Variants in CATSPERE observed in about 807,000 individuals in gnomAD.
The protein encoded by CATSPERE is cation channel sperm-associated auxiliary subunit epsilon.
A neutral mutation model predicts 114.1 loss-of-function variants in CATSPERE; 93 were observed. The ratio of observed to expected loss-of-function variants is 0.81; its 90% CI spans 0.69 to 0.97. The LOEUF is 0.97. Among genes scored for constraint, CATSPERE ranks in the 50% least tolerant of loss-of-function variants. The probability of loss-of-function intolerance (pLI) is 0.00; values close to 1 mark genes in which losing one functional copy is unlikely to be tolerated. For synonymous variants in CATSPERE, 341 were observed against 384.1 expected (o/e 0.89, Z 1.31); for missense variants, 1,058 against 1,131.6 (o/e 0.93, Z 0.93).
intron 5 of CATSPERE, among the ~76,000 whole-genome samples, chr1:244,481,220 G>A (rs1670216284): frequency 6.6e-6 from 1 of 152,172 alleles, no homozygotes; most frequent in Non-Finnish European, 1.5e-5. Flanking sequence ...GGAGGCCAGG[G>A]CAGGTGGACC....
chr1:244,488,519 G>T (rs566119364), intron 5 of CATSPERE, among the ~76,000 whole-genome samples: 1 of 152,226 alleles, frequency 6.6e-6, no homozygotes, highest in South Asian at 2.1e-4. Context: ...AGACCCAGAA[G>T]AATGCTGCTA....
intron 20 of CATSPERE, among the ~76,000 whole-genome samples, chr1:244,618,202 A>T (rs1381392751): frequency 6.6e-6 from 1 of 152,196 alleles, no homozygotes; most frequent in Non-Finnish European, 1.5e-5. Context: ...ACAGAGACAG[A>T]CGCTTCCAGT....
intron 11 of CATSPERE, among the ~76,000 whole-genome samples, chr1:244,574,731 A>G (rs2148585570): frequency 6.6e-6 from 1 of 152,322 alleles, no homozygotes; most frequent in African/African-American, 2.4e-5. Context: ...GGGATGAATA[A>G]GGGCGGACTG....
intron 7 of CATSPERE, among the ~76,000 whole-genome samples, chr1:244,509,580 G>A (rs1285702171): frequency 3.3e-5 from 5 of 152,192 alleles, no homozygotes; most frequent in South Asian, 4.1e-4. Flanking sequence ...TCAGGGTAAC[G>A]CTTGCCTTGT....
chr1:244,548,896 C>G (rs1027368173), intron 8 of CATSPERE, among the ~76,000 whole-genome samples: 1 of 152,162 alleles, frequency 6.6e-6, no homozygotes, highest in South Asian at 2.1e-4. Flanking sequence ...TCACTATTAT[C>G]CCTAGAGACC....
chr1:244,559,513 G>A (rs1410038985), intron 9 of CATSPERE, among the ~76,000 whole-genome samples: 2 of 152,184 alleles, frequency 1.3e-5, no homozygotes, highest in African/African-American at 2.4e-5. Flanking sequence ...AGTGGGGAGA[G>A]GAGGCAGAGG....
chr1:244,562,077 G>A lies in CATSPERE; in HGVS notation c.1507+932G>A, dbSNP rs555165738. Among the ~76,000 whole-genome samples the A allele has an allele frequency of 5.3e-5, 8 of 149,896 alleles. No homozygotes were observed. The South Asian group carries it at 8.4e-4, about 16-fold the overall frequency. ...TGAGGCAGGAGGATCACTTGAGCCC[G>A]GGAGGTCAAGGCTGCAGTGAGCCAT... On this transcript the variant is annotated intron_variant, in intron 10 of 21. Coordinates refer to ENST00000366534, the MANE Select transcript of CATSPERE (RefSeq NM_001130957.2).
rs114265641 is a variant in CATSPERE at position 244,596,265 on chromosome 1, T to C, written c.2303+2687T>C. ...AGTCCCTTCCCCCCTTCTAGAAAAT[T>C]CTTGAATAGCCCTCCCCTTATTTAG... On this transcript the variant is annotated intron_variant, in intron 17 of 21. Coordinates refer to ENST00000366534, the MANE Select transcript of CATSPERE (RefSeq NM_001130957.2). Among the ~76,000 whole-genome samples, 761 of 152,296 alleles carry C rather than the reference T, an allele frequency of 5.0e-3. 9 individuals are homozygous for C. The highest frequency in any genetic ancestry group is 0.018 in the African/African-American group (741 of 41,560).
chr1:244,542,577 A>T (rs1371265122), intron 8 of CATSPERE, among the ~76,000 whole-genome samples: 1 of 152,140 alleles, frequency 6.6e-6, no homozygotes, highest in African/African-American at 2.4e-5. Context: ...AAGTGAGAAC[A>T]TGCAGTATTT....
chr1:244,516,051 G>A (rs1657875758), intron 7 of CATSPERE, among the ~76,000 whole-genome samples: 1 of 151,652 alleles, frequency 6.6e-6, no homozygotes, highest in South Asian at 2.1e-4. Flanking sequence ...AAAATTAGCT[G>A]GGCGTGGTGG....
intron 2 of CATSPERE, 50 bp downstream of exon 2, chr1:244,464,006 A>G (rs1168605071): frequency 7.6e-7 from 1 of 1,318,928 alleles, no homozygotes; most frequent in South Asian, 1.2e-5. Context: ...AATTTTTTGA[A>G]CTTTAGAGCA....
chr1:244,530,357 G>C (rs1169671873), intron 8 of CATSPERE, among the ~76,000 whole-genome samples: 1 of 152,130 alleles, frequency 6.6e-6, no homozygotes, highest in Admixed American at 6.5e-5. Flanking sequence ...TGGGTTCTCT[G>C]TTCTCTTCCA....
At chr1:244,498,934 GT>G in intron 6 of CATSPERE, 67 bp from the exon 7 acceptor site, 1 of 1,163,248 alleles carries the variant, frequency 8.6e-7, no homozygotes, top group Non-Finnish European at 1.3e-6. Flanking sequence ...TTATGGTTAT[GT>G]TTTGCCACAA....
intron 10 of CATSPERE, among the ~76,000 whole-genome samples, chr1:244,567,165 A>G (rs991370646): frequency 6.6e-6 from 1 of 152,186 alleles, no homozygotes; most frequent in African/African-American, 2.4e-5. Context: ...AGAATGTTGA[A>G]TATTGTCCCC....
chr1:244,535,153 G>C lies in CATSPERE; in HGVS notation c.536+16455G>C, dbSNP rs576768041. ...TCAGTGCTGAGCTGCCTGGAGCTGG[G>C]GGAGGGGTGACACAGCGCCCCTGTG... On this transcript the variant is annotated intron_variant, in intron 8 of 21. Coordinates refer to ENST00000366534, the MANE Select transcript of CATSPERE (RefSeq NM_001130957.2). Among the ~76,000 whole-genome samples, 4 of 152,308 alleles carry C rather than the reference G, an allele frequency of 2.6e-5. No individual in the cohort carries two copies. In the East Asian group the frequency reaches 7.7e-4, roughly 29 times the overall value.
intron 10 of CATSPERE, among the ~76,000 whole-genome samples, chr1:244,564,990 C>T (rs2148547166): frequency 6.6e-6 from 1 of 152,232 alleles, no homozygotes; most frequent in East Asian, 1.9e-4. Flanking sequence ...GCCTTTTCTG[C>T]ATCTATTGAG....
chr1:244,508,086 T>A (rs964960665), intron 7 of CATSPERE, among the ~76,000 whole-genome samples: 1 of 152,170 alleles, frequency 6.6e-6, no homozygotes, highest in Non-Finnish European at 1.5e-5. Context: ...CAATATTAAT[T>A]GGTCTGATAC....
chr1:244,547,430 C>T, intron 8 of CATSPERE, among the ~76,000 whole-genome samples: 1 of 152,076 alleles, frequency 6.6e-6, no homozygotes, highest in East Asian at 1.9e-4. Flanking sequence ...TATTCTCATA[C>T]TGTAATGATG....
rs531491399 is a variant in CATSPERE at position 244,466,126 on chromosome 1, C to A, written c.114+2170C>A. ...TCTCAGACTTGTTATCATAGTGAATCATATTAACATATTCACTTTTATTGT... is the reference window on the plus strand; with the variant it reads ...TCTCAGACTTGTTATCATAGTGAATAATATTAACATATTCACTTTTATTGT... On this transcript the variant is annotated intron_variant, in intron 2 of 21. Transcript: ENST00000366534. Among the ~76,000 whole-genome samples the A allele has an allele frequency of 2.0e-5, 3 of 152,280 alleles. No homozygotes were observed. In the South Asian group the frequency reaches 6.2e-4, roughly 32 times the overall value.
Sources: allele counts gnomAD v4.1 joint callset (sites outside exome capture counted in the v4.1 genomes callset), GRCh38; gene constraint gnomAD v4.1.1; transcripts MANE v1.5; gene names NCBI Gene and HGNC (gene_info 2026-07-23, HGNC 2026-07-21).